Variants in ZFPM2 observed in about 807,000 individuals in gnomAD.
ZFPM2 encodes zinc finger protein ZFPM2.
A neutral mutation model predicts 98.6 loss-of-function variants in ZFPM2; 20 were observed. The ratio of observed to expected loss-of-function variants is 0.20; its 90% CI spans 0.14 to 0.29. The LOEUF (loss-of-function observed/expected upper bound fraction) is 0.29, where lower values mean the gene tolerates loss of function less well. Among genes scored for constraint, ZFPM2 ranks in the 10% least tolerant of loss-of-function variants. The pLI, the probability that ZFPM2 is intolerant of heterozygous loss-of-function variation, is 1.00. For missense variants in ZFPM2, 1,310 were observed against 1,388.6 expected (o/e 0.94, Z 0.90); for synonymous variants, 518 against 502.7 (o/e 1.03, Z -0.41).
At position 105,479,244 on chromosome 8, in the gene ZFPM2, A is replaced by G. The variant is rs545261977; in HGVS notation, c.301+34863A>G. 1.3e-4 allele frequency among the ~76,000 whole-genome samples: 20 copies of G among 152,314 alleles called. No homozygotes were observed. In the South Asian group the frequency reaches 3.9e-3, roughly 30 times the overall value. On this transcript the variant is annotated intron_variant, in intron 3 of 7. Transcript: ENST00000407775. ...AGCTCATGTCATTTCGAGAAAACTA[A>G]CAAGACATGAAGGTGTTTCATTTTA...
chr8:105,335,613 A>G (rs1309412077), intron 1 of ZFPM2, among the ~76,000 whole-genome samples: 3 of 151,788 alleles, frequency 2.0e-5, no homozygotes, highest in Non-Finnish European at 2.9e-5. Flanking sequence ...CCTGGCTCCC[A>G]TGTGGCCAGC....
chr8:105,551,779 C>T (rs964212873), intron 3 of ZFPM2, among the ~76,000 whole-genome samples: 43 of 152,280 alleles, frequency 2.8e-4, no homozygotes, highest in African/African-American at 9.9e-4. Context: ...CAATATTTAC[C>T]TGTCAAAGCT....
At chr8:105,393,160 G>T (rs2129942094) in intron 1 of ZFPM2, among the ~76,000 whole-genome samples, 1 of 152,202 alleles carries the variant, frequency 6.6e-6, no homozygotes, top group Non-Finnish European at 1.5e-5. Context: ...CAATCAGTCT[G>T]ATTTATAAAA....
intron 5 of ZFPM2, among the ~76,000 whole-genome samples, chr8:105,740,679 T>C (rs1361430331): frequency 6.6e-6 from 1 of 151,434 alleles, no homozygotes; most frequent in South Asian, 2.1e-4. Flanking sequence ...TTTATTTATT[T>C]AATAAATAGT....
At chr8:105,405,614 A>C (rs1468183635) in intron 1 of ZFPM2, among the ~76,000 whole-genome samples, 3 of 151,696 alleles carry the variant, frequency 2.0e-5, no homozygotes, top group Non-Finnish European at 4.4e-5. Flanking sequence ...TGAACTCATC[A>C]TTTTTTATGG....
intron 5 of ZFPM2, among the ~76,000 whole-genome samples, chr8:105,720,441 A>G (rs1015417355): frequency 4.6e-5 from 7 of 151,910 alleles, no homozygotes; most frequent in African/African-American, 1.7e-4. Flanking sequence ...AGTGTTCACT[A>G]CTAATTTATG....
chr8:105,473,952 T>C (rs1228501811), intron 3 of ZFPM2, among the ~76,000 whole-genome samples: 1 of 152,220 alleles, frequency 6.6e-6, no homozygotes, highest in East Asian at 1.9e-4. Flanking sequence ...TTTTGCAGCT[T>C]AGATTGGAAA....
chr8:105,580,676 C>T (rs1815570956), intron 4 of ZFPM2, among the ~76,000 whole-genome samples: 1 of 151,864 alleles, frequency 6.6e-6, no homozygotes. Context: ...ATTGCAGCAC[C>T]TATAATTAAT....
chr8:105,610,065 C>T (rs892078765), intron 4 of ZFPM2, among the ~76,000 whole-genome samples: 1 of 152,006 alleles, frequency 6.6e-6, no homozygotes, highest in African/African-American at 2.4e-5. Context: ...TTATGAATTT[C>T]TTGAGGGGGA....
chr8:105,355,971 C>T (rs1298075187), intron 1 of ZFPM2, among the ~76,000 whole-genome samples: 6 of 152,162 alleles, frequency 3.9e-5, no homozygotes, highest in South Asian at 2.1e-4. Context: ...AGATAAAGCA[C>T]GCCCCATCTC....
chr8:105,697,748 T>C (rs1811052039), intron 5 of ZFPM2, among the ~76,000 whole-genome samples: 1 of 152,208 alleles, frequency 6.6e-6, no homozygotes, highest in South Asian at 2.1e-4. Flanking sequence ...TTTTCCATGA[T>C]AGTGGCATTA....
At chr8:105,559,794 A>G (rs981544284) in intron 3 of ZFPM2, among the ~76,000 whole-genome samples, 20 of 152,014 alleles carry the variant, frequency 1.3e-4, no homozygotes, top group African/African-American at 4.6e-4. Context: ...TTTCTTTTTG[A>G]AAAAAAACTC....
At chr8:105,486,071 G>A (rs1348856484) in intron 3 of ZFPM2, among the ~76,000 whole-genome samples, 1 of 151,934 alleles carries the variant, frequency 6.6e-6, no homozygotes, top group African/African-American at 2.4e-5. Context: ...CTTTTTAAAA[G>A]CTTTTCAGAA....
chr8:105,568,401 T>A (rs1454108390), intron 4 of ZFPM2, among the ~76,000 whole-genome samples: 1 of 152,098 alleles, frequency 6.6e-6, no homozygotes, highest in Admixed American at 6.6e-5. Context: ...CTTTTCTGCA[T>A]TTCTACCTCT....
intron 1 of ZFPM2, among the ~76,000 whole-genome samples, chr8:105,388,155 T>C (rs1266337694): frequency 6.6e-6 from 1 of 152,202 alleles, no homozygotes; most frequent in African/African-American, 2.4e-5. Context: ...GACAGACATA[T>C]AACTGAATAT....
At chr8:105,375,177 A>C (rs1810699197) in intron 1 of ZFPM2, among the ~76,000 whole-genome samples, 1 of 152,208 alleles carries the variant, frequency 6.6e-6, no homozygotes, top group African/African-American at 2.4e-5. Flanking sequence ...AAAAACAAAA[A>C]CAAAACACTT....
intron 3 of ZFPM2, among the ~76,000 whole-genome samples, chr8:105,543,067 A>T (rs1341327005): frequency 6.6e-6 from 1 of 152,208 alleles, no homozygotes; most frequent in Non-Finnish European, 1.5e-5. Context: ...ATTAAAGGCA[A>T]TACAAGATCT....
intron 5 of ZFPM2, among the ~76,000 whole-genome samples, chr8:105,636,397 A>G (rs1190831548): frequency 2.0e-5 from 3 of 152,172 alleles, no homozygotes; most frequent in Non-Finnish European, 4.4e-5. Context: ...AACCTTGTAC[A>G]TTGATGATAA....
In ZFPM2 at chr8:105,790,484, T is replaced by G. The variant is rs542793176; in HGVS notation, c.739+1560T>G. ...ATTTTGGTACCAGTACCATGCTGTT[T>G]TGGTTACTGTAGCCTTGTAGTATAG... is the stretch of plus-strand genomic sequence containing the variant. On this transcript the variant is annotated intron_variant, in intron 6 of 7. Coordinates refer to ENST00000407775, the MANE Select transcript of ZFPM2 (RefSeq NM_012082.4). Among the ~76,000 whole-genome samples the G allele has an allele frequency of 2.0e-5, 3 of 152,274 alleles. No homozygotes were observed. In the South Asian group the frequency reaches 6.2e-4, roughly 32 times the overall value.
Sources: gnomAD v4.1 joint callset for allele counts (sites outside exome capture counted in the v4.1 genomes callset) on GRCh38, gnomAD v4.1.1 for gene constraint, MANE v1.5 for transcripts, NCBI Gene and HGNC (gene_info 2026-07-23, HGNC 2026-07-21) for gene names.